Variants in EEF2K observed in about 807,000 individuals in gnomAD.
EEF2K encodes eukaryotic elongation factor 2 kinase, also known as alternative protein EEF2K.
In EEF2K, 70 loss-of-function variants were observed where a neutral mutation model predicts 93.8. That is an observed-to-expected ratio of 0.75 (90% CI 0.62 to 0.91). EEF2K has a LOEUF of 0.91. EEF2K is among the 40% of genes least tolerant of loss of function. EEF2K has a pLI of 0.00. For synonymous variants in EEF2K, 376 were observed against 380.8 expected, an observed-to-expected ratio of 0.99 and a Z score of 0.15; for missense variants, 935 against 972.9, an observed-to-expected ratio of 0.96 and a Z score of 0.52.
In EEF2K at chr16:22,273,605, C is replaced by T. The variant is rs776460121; in HGVS notation, c.1765-21C>T. The T allele has an allele frequency of 3.7e-6, 6 of 1,613,082 alleles. No homozygotes were observed. In the African/African-American group the frequency reaches 4.0e-5, roughly 11 times the overall value. ...AAGCCTCATTCACTCTTCTTTCTCCCTCTTTGGTTTGTATCAACAGGAGAC... is the reference window on the plus strand; with the variant it reads ...AAGCCTCATTCACTCTTCTTTCTCCTTCTTTGGTTTGTATCAACAGGAGAC... On this transcript the variant is annotated intron_variant, in intron 15 of 17. Coordinates refer to ENST00000263026, the MANE Select transcript of EEF2K (RefSeq NM_013302.5).
At chr16:22,265,154 C>T in intron 13 of EEF2K, 1 of 358,682 alleles carries the variant, frequency 2.8e-6, no homozygotes, top group Non-Finnish European at 5.2e-6. Context: ...TAAGTGCCTG[C>T]CATGAAGGCA....
intron 16 of EEF2K, among the ~76,000 whole-genome samples, chr16:22,279,401 C>T (rs1241069781): frequency 6.6e-6 from 1 of 151,832 alleles, no homozygotes; most frequent in African/African-American, 2.4e-5. Flanking sequence ...CCACACCCAG[C>T]TTTTTGTGTG....
intron 16 of EEF2K, among the ~76,000 whole-genome samples, chr16:22,279,727 G>C (rs2047674541): frequency 6.6e-6 from 1 of 152,104 alleles, no homozygotes; most frequent in Non-Finnish European, 1.5e-5. Context: ...GAGCACAGTG[G>C]CTCATGCCTG....
intron 2 of EEF2K, among the ~76,000 whole-genome samples, chr16:22,243,443 G>A (rs1244132329): frequency 6.6e-6 from 1 of 151,370 alleles, no homozygotes; most frequent in Non-Finnish European, 1.5e-5. Context: ...GTAGAGACAG[G>A]GTTTCACCGT....
intron 1 of EEF2K, among the ~76,000 whole-genome samples, chr16:22,217,935 T>C (rs1056049489): frequency 6.6e-6 from 1 of 152,208 alleles, no homozygotes; most frequent in Non-Finnish European, 1.5e-5. Flanking sequence ...ACATCATCGC[T>C]ATTCATTTTT....
intron 2 of EEF2K, among the ~76,000 whole-genome samples, chr16:22,242,295 G>C (rs926731524): frequency 4.6e-5 from 7 of 152,094 alleles, no homozygotes; most frequent in African/African-American, 9.7e-5. Context: ...ATGAGGTGAA[G>C]CCCTGTTTGG....
chr16:22,262,145 C>T (rs1163796746), intron 11 of EEF2K, among the ~76,000 whole-genome samples: 1 of 152,084 alleles, frequency 6.6e-6, no homozygotes, highest in Non-Finnish European at 1.5e-5. Context: ...AGGTACATGG[C>T]TGAAGTTTTA....
At chr16:22,243,183 A>G (rs2047242675) in intron 2 of EEF2K, among the ~76,000 whole-genome samples, 1 of 151,656 alleles carries the variant, frequency 6.6e-6, no homozygotes, top group Non-Finnish European at 1.5e-5. Flanking sequence ...GTTATATAAT[A>G]TTTATTATAA....
chr16:22,264,900 C>G lies in EEF2K; in HGVS notation c.1440+20C>G. The G allele has an allele frequency of 6.2e-7, 1 of 1,613,760 alleles. No individual in the cohort carries two copies. Among genetic ancestry groups the G allele is most frequent in the South Asian group, 1.1e-5 (1 of 91,068 alleles). On this transcript the variant is annotated intron_variant, in intron 13 of 17. Coordinates refer to ENST00000263026, the MANE Select transcript of EEF2K (RefSeq NM_013302.5). ...GGACGGGTAATGCGCCCTGAGGCAC[C>G]CTTGTCTCTGCCTCTTCCCTGTCTC...
At chr16:22,261,876 G>A (rs1234981220) in intron 11 of EEF2K, among the ~76,000 whole-genome samples, 1 of 149,204 alleles carries the variant, frequency 6.7e-6, no homozygotes, top group Non-Finnish European at 1.5e-5. Context: ...ATGGTGGCAT[G>A]TGCCTGTAAT....
At chr16:22,243,596 C>T (rs2047247682) in intron 2 of EEF2K, among the ~76,000 whole-genome samples, 2 of 151,722 alleles carry the variant, frequency 1.3e-5, no homozygotes, top group Admixed American at 6.6e-5. Context: ...TGAGGGTACC[C>T]GTTCCCTGAT....
chr16:22,272,109 A>C (rs1254951400), intron 15 of EEF2K, among the ~76,000 whole-genome samples: 1 of 152,218 alleles, frequency 6.6e-6, no homozygotes, highest in Non-Finnish European at 1.5e-5. Context: ...CAGTACATCA[A>C]ACCCTGATTT....
intron 1 of EEF2K, 111 bp from the exon 2 acceptor site, chr16:22,225,543 A>G (rs1598167348): frequency 1.2e-6 from 1 of 844,608 alleles, no homozygotes; most frequent in East Asian, 2.8e-5. Context: ...TCTAGGTTTT[A>G]CCCCAAGGGT....
intron 1 of EEF2K, among the ~76,000 whole-genome samples, chr16:22,214,496 TA>T (rs1473812340): frequency 6.6e-6 from 1 of 150,494 alleles, no homozygotes; most frequent in Non-Finnish European, 1.5e-5. Context: ...CCCATCTCTA[TA>T]AAAATAAAAT....
rs1328018510 is a variant in EEF2K, at chr16:22,286,950, C to G, written c.*2954C>G. 1 of 152,260 alleles carries G rather than the reference C, an allele frequency of 6.6e-6. No individual in the cohort carries two copies. The highest frequency in any genetic ancestry group is 1.5e-5 in the Non-Finnish European group (1 of 68,070). The allele number at this position is 152,260 out of a possible 1,614,324, so 9.4% of individuals were successfully genotyped here. A position where few individuals can be genotyped will look rare whatever the true frequency, so the allele number is the denominator to read the frequency against. On this transcript the variant is annotated 3_prime_UTR_variant, in exon 18 of 18. Coordinates refer to ENST00000263026, the MANE Select transcript of EEF2K (RefSeq NM_013302.5). ...CTTAATGTCAGTTGCTGGTCTGTTG[C>G]TCTTCGGGGAGGGAGAGATGGCCTG...
intron 17 of EEF2K, 37 bp from the exon 18 acceptor site, chr16:22,283,850 G>A (rs2047724160): frequency 6.5e-6 from 10 of 1,550,012 alleles, no homozygotes; most frequent in Non-Finnish European, 8.7e-6. Flanking sequence ...AACAACAGGT[G>A]GTTCACCTCT....
Position 22,284,052 on chromosome 16 carries a change from A to G in EEF2K, c.*56A>G. On this transcript the variant is annotated 3_prime_UTR_variant, in exon 18 of 18. Coordinates refer to ENST00000263026, the MANE Select transcript of EEF2K (RefSeq NM_013302.5). Reference sequence around the variant, plus strand: ...CAAACGGGCTAGGAGGAAAGATTAAAAAAACAACAACAACAACTTATTTAG... The same window carrying G: ...CAAACGGGCTAGGAGGAAAGATTAAGAAAACAACAACAACAACTTATTTAG... 1 of 1,417,650 alleles carries G rather than the reference A, an allele frequency of 7.1e-7. No individual in the cohort carries two copies. Among genetic ancestry groups the G allele is most frequent in the Non-Finnish European group, 9.6e-7 (1 of 1,036,438 alleles). The allele number at this position is 1,417,650 out of a possible 1,614,324, so 87.8% of individuals were successfully genotyped here. A position where few individuals can be genotyped will look rare whatever the true frequency, so the allele number is the denominator to read the frequency against.
At chr16:22,273,473 C>T (rs772273440) in intron 15 of EEF2K, among the ~76,000 whole-genome samples, 153 bp from the exon 16 acceptor site, 8 of 152,092 alleles carry the variant, frequency 5.3e-5, no homozygotes, top group Non-Finnish European at 1.0e-4. Context: ...AGCCAAGCCT[C>T]TGGAGTCAAG....
intron 2 of EEF2K, among the ~76,000 whole-genome samples, chr16:22,229,312 A>G (rs554950468): frequency 2.0e-5 from 3 of 152,342 alleles, no homozygotes; most frequent in East Asian, 3.9e-4. Flanking sequence ...TCGTAAAAAA[A>G]CAAACAAAAA....
Sources: allele counts gnomAD v4.1 joint callset (sites outside exome capture counted in the v4.1 genomes callset), GRCh38; gene constraint gnomAD v4.1.1; transcripts MANE v1.5; gene names NCBI Gene and HGNC (gene_info 2026-07-23, HGNC 2026-07-21).